LDB2: variants seen among roughly 807,000 people sequenced by gnomAD.
LDB2 encodes the protein LIM domain-binding protein 2.
Under a neutral mutation model 44.3 loss-of-function variants are expected in LDB2, and 12 were observed. The ratio of observed to expected loss-of-function variants is 0.27; its 90% confidence interval spans 0.17 to 0.44. The LOEUF is 0.44. LDB2 is among the 20% of genes least tolerant of loss of function. LDB2 has a pLI of 1.00. For missense variants in LDB2, 344 were observed against 473.5 expected (o/e 0.73, Z 2.54); for synonymous variants, 164 against 174.8 (o/e 0.94, Z 0.49).
At position 16,582,805 on chromosome 4, in the gene LDB2, A is replaced by T. The variant is rs1355799402; in HGVS notation, c.615+3117T>A. On this transcript the variant is annotated intron_variant, in intron 5 of 7. Transcript: ENST00000304523. This position sits in a 1 kb window ranked among gnomAD's most constrained non-coding sequence, Gnocchi z 4.8. ...TGCAGGCTCAGCGGCTTCCAGCCAC[A>T]GCTCCACTGGGACCACCAAGTCAGC... Among the ~76,000 whole-genome samples, 1 of 152,162 alleles carries T rather than the reference A, an allele frequency of 6.6e-6. No individual in the cohort carries two copies. The highest frequency in any genetic ancestry group is 6.5e-5 in the Admixed American group (1 of 15,278).
At chr4:16,875,619 G>A (rs1013157867) in intron 1 of LDB2, among the ~76,000 whole-genome samples, 4 of 152,126 alleles carry the variant, frequency 2.6e-5, no homozygotes, top group Admixed American at 2.6e-4. Flanking sequence ...TCTCTATCTA[G>A]AGTTATCTGA....
At chr4:16,847,128 T>G (rs1787178755) in intron 1 of LDB2, among the ~76,000 whole-genome samples, 1 of 152,224 alleles carries the variant, frequency 6.6e-6, no homozygotes, top group Non-Finnish European at 1.5e-5. Context: ...CCCCCGTAAT[T>G]GTTTTTATGG....
chr4:16,850,244 C>T (rs1242844767), intron 1 of LDB2, among the ~76,000 whole-genome samples: 1 of 152,022 alleles, frequency 6.6e-6, no homozygotes, highest in African/African-American at 2.4e-5. Flanking sequence ...CCAGAGAAAG[C>T]CTGGAATAAG....
chr4:16,645,405 C>T (rs1247165114), intron 2 of LDB2, among the ~76,000 whole-genome samples: 3 of 151,516 alleles, frequency 2.0e-5, no homozygotes, highest in Admixed American at 6.6e-5. Context: ...GGCGCGGTGG[C>T]GGGCGCCTGT....
chr4:16,610,611 A>G (rs372558400), intron 2 of LDB2, among the ~76,000 whole-genome samples: 138 of 152,206 alleles, frequency 9.1e-4, no homozygotes, highest in African/African-American at 2.9e-3. Flanking sequence ...AAGAAAGAAT[A>G]TCAGCTTGGA....
At chr4:16,564,446 T>C (rs1743742883) in intron 5 of LDB2, among the ~76,000 whole-genome samples, 1 of 152,132 alleles carries the variant, frequency 6.6e-6, no homozygotes, top group Non-Finnish European at 1.5e-5. Context: ...CCAACTGAAA[T>C]ATTCTTCCTG....
intron 5 of LDB2, among the ~76,000 whole-genome samples, chr4:16,524,274 C>G (rs1727389514): frequency 6.6e-6 from 1 of 152,114 alleles, no homozygotes; most frequent in South Asian, 2.1e-4. Context: ...CCCTGAGGCT[C>G]CCTGTTGGAG....
At chr4:16,742,120 G>T (rs1441612228) in intron 2 of LDB2, among the ~76,000 whole-genome samples, 3 of 137,480 alleles carry the variant, frequency 2.2e-5, no homozygotes, top group African/African-American at 8.4e-5. Flanking sequence ...TTGCCAGGCT[G>T]GAGTTCAGTG....
intron 2 of LDB2, among the ~76,000 whole-genome samples, chr4:16,609,179 T>A (rs1724861293): frequency 6.6e-6 from 1 of 151,900 alleles, no homozygotes. Context: ...CCAAGGGAGA[T>A]GGTAAATGAG....
intron 1 of LDB2, among the ~76,000 whole-genome samples, chr4:16,878,482 T>G (rs1166050510): frequency 6.6e-6 from 1 of 152,238 alleles, no homozygotes; most frequent in Non-Finnish European, 1.5e-5. Context: ...AATATGTCCT[T>G]CTGCTTCTGC....
rs191146322 is a variant in LDB2, at chr4:16,511,333, G to A, written c.739+648C>T. 9.0e-4 allele frequency among the ~76,000 whole-genome samples: 137 copies of A among 152,044 alleles called. 1 individual carries two copies. The highest frequency in any genetic ancestry group is 3.2e-3 in the African/African-American group (131 of 41,336). On this transcript the variant is annotated intron_variant, in intron 6 of 7. Transcript: ENST00000304523. ...ACAATTAATGATGACTTGAATCGGTGATTTCAGAACCCCAGCAGGAGACTA... is the reference window on the plus strand; with the variant it reads ...ACAATTAATGATGACTTGAATCGGTAATTTCAGAACCCCAGCAGGAGACTA...
At chr4:16,588,044 G>C (rs1351918475) in intron 4 of LDB2, among the ~76,000 whole-genome samples, 1 of 151,424 alleles carries the variant, frequency 6.6e-6, no homozygotes. Context: ...TTATAGAGGA[G>C]AGACTTAAAT....
At chr4:16,672,808 TTGCG>T (rs1165858384) in intron 2 of LDB2, among the ~76,000 whole-genome samples, 2 of 135,518 alleles carry the variant, frequency 1.5e-5, no homozygotes, top group East Asian at 4.5e-4. Context: ...GAAGAACTGC[TTGCG>T]TGCCTGCCTG....
In LDB2 at chr4:16,843,586, T is replaced by TA. The variant is rs565017669; in HGVS notation, c.132+54767dup. On this transcript the variant is annotated intron_variant, in intron 1 of 7. Coordinates refer to ENST00000304523, the MANE Select transcript of LDB2 (RefSeq NM_001290.5). ...ACAGCATAAAAACAGGGTGCCATTT[T>TA]AAAAAAAATGCTATTTTATAAATTT... Among the ~76,000 whole-genome samples, 746 of 152,176 alleles carry TA rather than the reference T, an allele frequency of 4.9e-3. 4 individuals carry two copies. The highest frequency in any genetic ancestry group is 0.017 in the African/African-American group (702 of 41,524).
chr4:16,778,611 A>T (rs1772484720), intron 1 of LDB2, among the ~76,000 whole-genome samples: 1 of 152,206 alleles, frequency 6.6e-6, no homozygotes, highest in Non-Finnish European at 1.5e-5. Context: ...TTTGGAGCAG[A>T]GTTTGATACA....
chr4:16,672,437 T>A (rs980314138), intron 2 of LDB2, among the ~76,000 whole-genome samples: 9 of 152,154 alleles, frequency 5.9e-5, no homozygotes, highest in Admixed American at 5.2e-4. Flanking sequence ...CAAGGATGGG[T>A]TCAGGAAACC....
At chr4:16,695,035 G>C (rs960642467) in intron 2 of LDB2, among the ~76,000 whole-genome samples, 3 of 152,028 alleles carry the variant, frequency 2.0e-5, no homozygotes, top group Non-Finnish European at 2.9e-5. Context: ...CTATTGTTTC[G>C]TTAGTTAGTT....
chr4:16,831,014 GCTGA>G (rs1305184918), intron 1 of LDB2, among the ~76,000 whole-genome samples: 1 of 152,122 alleles, frequency 6.6e-6, no homozygotes, highest in African/African-American at 2.4e-5. Flanking sequence ...CTCAGAAAGA[GCTGA>G]CTGTGTCCAT....
intron 5 of LDB2, among the ~76,000 whole-genome samples, chr4:16,570,568 G>GTAAGATAATTC (rs1289796731): frequency 7.2e-6 from 1 of 139,278 alleles, no homozygotes; most frequent in Middle Eastern, 3.6e-3. Context: ...TGATGATTAT[G>GTAAGATAATTC]TAAGATAATT....
Sources: allele counts gnomAD v4.1 joint callset (sites outside exome capture counted in the v4.1 genomes callset), GRCh38; gene constraint gnomAD v4.1.1; non-coding constraint Gnocchi (gnomAD v3.1); transcripts MANE v1.5; gene names NCBI Gene and HGNC (gene_info 2026-07-23, HGNC 2026-07-21).